The following CPNE2 variants were observed in gnomAD, a reference collection of about 807,000 sequenced individuals.
CPNE2 encodes copine-2.
CPNE2 carries 42 observed loss-of-function variants against 69.7 expected under a neutral mutation model. The observed-to-expected ratio is 0.60, with a 90% confidence interval of 0.47 to 0.78. CPNE2 has a LOEUF of 0.78. Among genes scored for constraint, CPNE2 ranks in the 30% least tolerant of loss-of-function variants. The pLI is 0.00. For missense variants in CPNE2, 587 were observed against 732.0 expected (o/e 0.80, Z 2.29); for synonymous variants, 294 against 289.8 (o/e 1.01, Z -0.15).
intron 14 of CPNE2, among the ~76,000 whole-genome samples, chr16:57,137,549 G>A (rs1480871032): frequency 1.3e-5 from 2 of 152,172 alleles, no homozygotes; most frequent in East Asian, 3.9e-4. Flanking sequence ...GCGAGGTACT[G>A]GTTATTCCCA....
At chr16:57,098,296 T>C (rs914836244) in intron 1 of CPNE2, among the ~76,000 whole-genome samples, 12 of 152,200 alleles carry the variant, frequency 7.9e-5, no homozygotes, top group African/African-American at 2.9e-4. Context: ...TGGCTGCCTG[T>C]TGGAGTGTGG....
At chr16:57,095,680 G>A (rs1471088022) in intron 1 of CPNE2, among the ~76,000 whole-genome samples, 1 of 152,100 alleles carries the variant, frequency 6.6e-6, no homozygotes, top group East Asian at 1.9e-4. Context: ...GGTTAGGCTG[G>A]CCTTGAACTC....
At chr16:57,113,727 G>T (rs1029275830) in intron 3 of CPNE2, among the ~76,000 whole-genome samples, 1 of 152,216 alleles carries the variant, frequency 6.6e-6, no homozygotes, top group African/African-American at 2.4e-5. Flanking sequence ...ATCAGGTGTG[G>T]TCTTGACCTC....
At chr16:57,108,486 G>A (rs1284780019) in intron 1 of CPNE2, among the ~76,000 whole-genome samples, 1 of 152,210 alleles carries the variant, frequency 6.6e-6, no homozygotes, top group Non-Finnish European at 1.5e-5. Flanking sequence ...AAGTATTAGG[G>A]AGTTGGAACC....
intron 1 of CPNE2, among the ~76,000 whole-genome samples, chr16:57,101,739 A>T (rs2069615225): frequency 6.6e-6 from 1 of 152,160 alleles, no homozygotes; most frequent in Non-Finnish European, 1.5e-5. Flanking sequence ...CTTGTTAGAA[A>T]CACAGAATTT....
intron 1 of CPNE2, among the ~76,000 whole-genome samples, chr16:57,098,001 G>C (rs893349155): frequency 2.6e-5 from 4 of 151,836 alleles, no homozygotes; most frequent in African/African-American, 9.7e-5. Context: ...AAGTACAGTG[G>C]AGGCTGCCTC....
intron 13 of CPNE2, among the ~76,000 whole-genome samples, chr16:57,135,880 A>G (rs1224244645): frequency 6.7e-6 from 1 of 150,116 alleles, no homozygotes; most frequent in East Asian, 1.9e-4. Context: ...TCTCAAAAAA[A>G]AAAAAAAAAA....
chr16:57,106,830 C>T (rs1420239221), intron 1 of CPNE2, among the ~76,000 whole-genome samples: 3 of 152,164 alleles, frequency 2.0e-5, no homozygotes. Flanking sequence ...TGGGGGAATG[C>T]CCTTGGCTTC....
chr16:57,135,574 G>A (rs545921167), intron 13 of CPNE2, among the ~76,000 whole-genome samples: 1 of 152,142 alleles, frequency 6.6e-6, no homozygotes, highest in African/African-American at 2.4e-5. Context: ...AGCTGAGGTG[G>A]GAGGAAAGAA....
chr16:57,137,755 G>T (rs1336674037), intron 14 of CPNE2, among the ~76,000 whole-genome samples: 1 of 152,188 alleles, frequency 6.6e-6, no homozygotes, highest in Non-Finnish European at 1.5e-5. Flanking sequence ...TAGCTGCGTG[G>T]CATCTGGAAT....
chr16:57,118,847 G>A (rs2069739999), intron 5 of CPNE2, among the ~76,000 whole-genome samples: 1 of 152,076 alleles, frequency 6.6e-6, no homozygotes, highest in Non-Finnish European at 1.5e-5. Context: ...CACCCTGCTG[G>A]GAGCCTCACC....
At position 57,119,122 on chromosome 16, in the gene CPNE2, A is replaced by G. The variant is rs936213291; in HGVS notation, c.508-73A>G. 1.6e-5 allele frequency: 21 copies of G among 1,320,724 alleles called. No homozygotes were observed. In the Admixed American group the frequency reaches 3.5e-4, roughly 22 times the overall value. 81.8% of individuals were successfully genotyped at this position (1,320,724 alleles called of 1,614,324 possible). A position where few individuals can be genotyped will look rare whatever the true frequency, so the allele number is the denominator to read the frequency against. The stretch of plus-strand genomic sequence containing the variant: ...CCTGACACCCGGCTGGGGAGGCAGC[A>G]GGGCCACACCCCCATCTGCCTGAAC... On this transcript the variant is annotated intron_variant, in intron 5 of 15. Transcript: ENST00000290776.
intron 10 of CPNE2, chr16:57,125,359 C>T (rs2069793105): frequency 2.2e-6 from 1 of 455,976 alleles, no homozygotes; most frequent in African/African-American, 2.0e-5. Context: ...ACCAGGCAAC[C>T]CCAGGTCCCA....
chr16:57,114,573 C>T (rs60157288), intron 3 of CPNE2, among the ~76,000 whole-genome samples: 2 of 151,706 alleles, frequency 1.3e-5, no homozygotes, highest in East Asian at 1.9e-4. Flanking sequence ...TGTGGATCTG[C>T]GGAGAAGAAC....
chr16:57,111,223 C>A (rs938803628), intron 2 of CPNE2, among the ~76,000 whole-genome samples: 1 of 147,896 alleles, frequency 6.8e-6, no homozygotes, highest in Non-Finnish European at 1.5e-5. Context: ...GTCCCCCAGG[C>A]TGGAGTGCAG....
At chr16:57,107,815 G>A (rs549215349) in intron 1 of CPNE2, among the ~76,000 whole-genome samples, 2 of 150,360 alleles carry the variant, frequency 1.3e-5, no homozygotes, top group South Asian at 4.2e-4. Context: ...CCCTCATTGT[G>A]TTCCTGCCAG....
Position 57,121,245 on chromosome 16 carries a change from G to A in CPNE2, c.780+54G>A, listed in dbSNP as rs561054142. 5 of 1,516,002 alleles carry A rather than the reference G, an allele frequency of 3.3e-6. No individual in the cohort carries two copies. The Admixed American group carries it at 7.1e-5, about 22-fold the overall frequency. 93.9% of individuals were successfully genotyped at this position (1,516,002 alleles called of 1,614,324 possible). The stretch of plus-strand genomic sequence containing the variant: ...AAGACCTCAGCAGGGCTGGGGGAAG[G>A]GGCACCGGGTCTTGGGTCAGGCAGC... On this transcript the variant is annotated intron_variant, in intron 8 of 15. Transcript: ENST00000290776.
chr16:57,126,352 G>A (rs1486868391), intron 11 of CPNE2, among the ~76,000 whole-genome samples: 5 of 152,182 alleles, frequency 3.3e-5, no homozygotes, highest in Admixed American at 6.5e-5. Context: ...TCCAGGTCCC[G>A]CAGATCATGG....
In CPNE2 at chr16:57,134,710, G is replaced by A. The variant is rs369074998; in HGVS notation, c.1117-65G>A. On this transcript the variant is annotated intron_variant, in intron 12 of 15. Coordinates refer to ENST00000290776, the MANE Select transcript of CPNE2 (RefSeq NM_152727.6). ...CAAAGGGAGCCTTGGCCTGGCAGTG[G>A]GTGGTGGCCTGGGTCTGGGTTTGGG... 149 of 1,582,462 alleles carry A rather than the reference G, an allele frequency of 9.4e-5. No individual in the cohort carries two copies. In the African/African-American group the frequency reaches 1.8e-3, roughly 19 times the overall value.
Sources: gnomAD v4.1 joint callset for allele counts (sites outside exome capture counted in the v4.1 genomes callset) on GRCh38, gnomAD v4.1.1 for gene constraint, MANE v1.5 for transcripts, NCBI Gene and HGNC (gene_info 2026-07-23, HGNC 2026-07-21) for gene names.